Variants in NELL1 observed in about 807,000 individuals in gnomAD.
The protein encoded by NELL1 is protein kinase C-binding protein NELL1.
Under a neutral mutation model 107.4 loss-of-function variants are expected in NELL1, and 76 were observed. The ratio of observed to expected loss-of-function variants is 0.71; its 90% confidence interval spans 0.59 to 0.86. The LOEUF (loss-of-function observed/expected upper bound fraction) is 0.86. NELL1 is among the 40% of genes least tolerant of loss of function. NELL1 has a pLI of 0.00. For missense variants in NELL1, 1,024 were observed against 1,005.5 expected (o/e 1.02, Z -0.25); for synonymous variants, 353 against 341.2 (o/e 1.03, Z -0.38).
chr11:20,931,974 G>C (rs1324013372), intron 9 of NELL1, among the ~76,000 whole-genome samples: 1 of 152,126 alleles, frequency 6.6e-6, no homozygotes, highest in Non-Finnish European at 1.5e-5. Context: ...CTCACTCACT[G>C]AGTGTTCACG....
chr11:20,701,613 G>A (rs1854790376), intron 2 of NELL1, among the ~76,000 whole-genome samples: 1 of 152,110 alleles, frequency 6.6e-6, no homozygotes, highest in African/African-American at 2.4e-5. Flanking sequence ...TGATGCATAG[G>A]TTTTCTTCTA....
At chr11:21,242,524 T>C (rs1381755609) in intron 14 of NELL1, among the ~76,000 whole-genome samples, 1 of 152,136 alleles carries the variant, frequency 6.6e-6, no homozygotes, top group East Asian at 1.9e-4. Context: ...CAGCCTCTGC[T>C]ACACTGCTGT....
intron 15 of NELL1, among the ~76,000 whole-genome samples, chr11:21,385,039 C>G (rs1298896842): frequency 1.3e-5 from 2 of 151,854 alleles, no homozygotes; most frequent in African/African-American, 4.8e-5. Flanking sequence ...ACTGTCGCCT[C>G]CCTCCTATGA....
At chr11:21,247,786 T>C (rs1426017945) in intron 14 of NELL1, among the ~76,000 whole-genome samples, 1 of 152,228 alleles carries the variant, frequency 6.6e-6, no homozygotes, top group Non-Finnish European at 1.5e-5. Flanking sequence ...TACCGTTATA[T>C]GATTGGCAGC....
At chr11:21,398,511 T>C (rs1852029238) in intron 15 of NELL1, among the ~76,000 whole-genome samples, 1 of 151,514 alleles carries the variant, frequency 6.6e-6, no homozygotes, top group Non-Finnish European at 1.5e-5. Flanking sequence ...GGAGCATAAA[T>C]TAGGTTTGGA....
chr11:21,550,724 T>C (rs1340432963), intron 16 of NELL1, among the ~76,000 whole-genome samples: 3 of 152,144 alleles, frequency 2.0e-5, no homozygotes, highest in African/African-American at 7.2e-5. Context: ...ACCAGTACCA[T>C]GCTGTTTTGG....
intron 15 of NELL1, among the ~76,000 whole-genome samples, chr11:21,420,253 C>A (rs764373001): frequency 3.3e-5 from 5 of 152,092 alleles, no homozygotes; most frequent in Non-Finnish European, 7.4e-5. Context: ...TTGCACTACT[C>A]ACTTAATAGT....
intron 15 of NELL1, among the ~76,000 whole-genome samples, chr11:21,372,398 A>G (rs6483770): frequency 0.99 from 151,022 of 152,150 alleles, 74,957 homozygotes; most frequent in East Asian, 1. Context: ...AATAATCATG[A>G]ATACTACTAC....
intron 13 of NELL1, among the ~76,000 whole-genome samples, chr11:21,161,887 C>T (rs1045509169): frequency 4.6e-5 from 7 of 150,682 alleles, no homozygotes; most frequent in Middle Eastern, 3.6e-3. Context: ...CTAATGGCTG[C>T]CATATTGGAT....
At chr11:21,181,604 T>G (rs1039554392) in intron 13 of NELL1, among the ~76,000 whole-genome samples, 2 of 151,902 alleles carry the variant, frequency 1.3e-5, no homozygotes, top group African/African-American at 4.9e-5. Context: ...AAATTATGCC[T>G]CTTGTTTGCT....
At chr11:21,492,004 G>A (rs1283852538) in intron 15 of NELL1, among the ~76,000 whole-genome samples, 2 of 152,002 alleles carry the variant, frequency 1.3e-5, no homozygotes, top group African/African-American at 4.8e-5. Flanking sequence ...ATCTGACAAA[G>A]GGCTAATATC....
At chr11:20,682,705 A>C (rs2133855815) in intron 2 of NELL1, among the ~76,000 whole-genome samples, 1 of 152,106 alleles carries the variant, frequency 6.6e-6, no homozygotes. Flanking sequence ...TTATCACCCA[A>C]AAAGTTTACC....
intron 12 of NELL1, among the ~76,000 whole-genome samples, chr11:21,018,243 G>A (rs1852615617): frequency 1.3e-5 from 2 of 152,080 alleles, no homozygotes; most frequent in South Asian, 4.1e-4. Flanking sequence ...GGATAGAATA[G>A]GTTTCAATAA....
intron 12 of NELL1, among the ~76,000 whole-genome samples, chr11:21,066,259 A>G (rs1853867721): frequency 6.6e-6 from 1 of 152,144 alleles, no homozygotes; most frequent in Non-Finnish European, 1.5e-5. Flanking sequence ...CATTGCTGTG[A>G]TAGAAAATCT....
At chr11:20,755,550 G>GTTTTTTTTTTT (rs1226891368) in intron 2 of NELL1, among the ~76,000 whole-genome samples, 5 of 114,544 alleles carry the variant, frequency 4.4e-5, no homozygotes, top group African/African-American at 2.2e-4. Flanking sequence ...GTTTTTTTTT[G>GTTTTTTTTTTT]TTTTTGTTTT....
At chr11:20,690,764 G>A (rs1041845842) in intron 2 of NELL1, among the ~76,000 whole-genome samples, 2 of 151,680 alleles carry the variant, frequency 1.3e-5, no homozygotes, top group African/African-American at 2.4e-5. Context: ...TTGGCGATGT[G>A]GGCTCTTTTT....
intron 13 of NELL1, among the ~76,000 whole-genome samples, chr11:21,191,659 A>G (rs1485241326): frequency 2.0e-5 from 3 of 151,918 alleles, no homozygotes; most frequent in Non-Finnish European, 4.4e-5. Context: ...CTTTCCTCCT[A>G]TGGAGATTGT....
chr11:20,723,318 T>TA (rs1320388140), intron 2 of NELL1, among the ~76,000 whole-genome samples: 1 of 152,036 alleles, frequency 6.6e-6, no homozygotes. Flanking sequence ...GCCTGTAAAA[T>TA]AAAAAACAAA....
intron 15 of NELL1, among the ~76,000 whole-genome samples, chr11:21,495,512 G>A (rs529103861): frequency 6.6e-6 from 1 of 152,108 alleles, no homozygotes; most frequent in East Asian, 1.9e-4. Flanking sequence ...ATTCTCTTGG[G>A]TGTGTATACT....
Sources: gnomAD v4.1 joint callset for allele counts (sites outside exome capture counted in the v4.1 genomes callset) on GRCh38, gnomAD v4.1.1 for gene constraint, MANE v1.5 for transcripts, NCBI Gene and HGNC (gene_info 2026-07-23, HGNC 2026-07-21) for gene names.